Variants in PELI2 observed in about 807,000 individuals in gnomAD.
The protein encoded by PELI2 is pellino E3 ubiquitin protein ligase family member 2.
In PELI2, 23 loss-of-function variants were observed where a neutral mutation model predicts 42.3. That is an observed-to-expected ratio of 0.54 (90% CI 0.39 to 0.77). The LOEUF is 0.77. Ranked by LOEUF, PELI2 falls within the 30% of genes least tolerant of loss-of-function variation. The pLI is 0.00. For missense variants in PELI2, 463 were observed against 553.2 expected (o/e 0.84, Z 1.64); for synonymous variants, 245 against 212.2 (o/e 1.15, Z -1.34).
chr14:56,168,656 G>A (rs1885054459), intron 1 of PELI2, among the ~76,000 whole-genome samples: 1 of 151,840 alleles, frequency 6.6e-6, no homozygotes, highest in Non-Finnish European at 1.5e-5. Flanking sequence ...TCTGCTTGGT[G>A]CTCTACCCCC....
chr14:56,235,951 T>A (rs12892155), intron 2 of PELI2, among the ~76,000 whole-genome samples: 61,071 of 151,810 alleles, frequency 0.4, 12,963 homozygotes, highest in South Asian at 0.53. Flanking sequence ...AAATACAAGG[T>A]ATCAAACTCA....
chr14:56,288,325 T>C lies in PELI2; in HGVS notation c.310-112T>C. The C allele has an allele frequency of 1.3e-6, 1 of 773,980 alleles. No homozygotes were observed. The highest frequency in any genetic ancestry group is 2.2e-6 in the Non-Finnish European group (1 of 464,864). 47.9% of individuals were successfully genotyped at this position (773,980 alleles called of 1,614,324 possible). On this transcript the variant is annotated intron_variant, in intron 3 of 5. Coordinates refer to ENST00000267460, the MANE Select transcript of PELI2 (RefSeq NM_021255.3). This position sits in a 1 kb window ranked among gnomAD's most constrained non-coding sequence, Gnocchi z 4.6. ...AAAATCTTGCATTAAATTCTAACCC[T>C]CAGAACAAGGATAGTGAATGTTAAA...
Position 56,221,814 on chromosome 14 carries a change from C to T in PELI2, c.207+43350C>T, listed in dbSNP as rs149991004. Among the ~76,000 whole-genome samples the T allele has an allele frequency of 1.8e-4, 27 of 152,288 alleles. No homozygotes were observed. The East Asian group carries it at 1.9e-3, about 11-fold the overall frequency. The stretch of plus-strand genomic sequence containing the variant: ...TGCATGGTTATGGCCTCCCTTGAGA[C>T]GAATTGCTTGGTTCCTTTTGTGTGA... On this transcript the variant is annotated intron_variant, in intron 2 of 5. Coordinates refer to ENST00000267460, the MANE Select transcript of PELI2 (RefSeq NM_021255.3).
chr14:56,267,260 T>C (rs1277449134), intron 2 of PELI2, among the ~76,000 whole-genome samples: 3 of 152,168 alleles, frequency 2.0e-5, no homozygotes, highest in African/African-American at 7.2e-5. Context: ...ATAGTAATTA[T>C]GTGTTGTGTA....
chr14:56,192,560 C>G (rs1885986967), intron 2 of PELI2, among the ~76,000 whole-genome samples: 1 of 152,074 alleles, frequency 6.6e-6, no homozygotes, highest in Admixed American at 6.6e-5. Context: ...ACTGGATGTC[C>G]CCTGGAGGGC....
chr14:56,157,220 C>T (rs1423490442), intron 1 of PELI2, among the ~76,000 whole-genome samples: 1 of 152,162 alleles, frequency 6.6e-6, no homozygotes, highest in Non-Finnish European at 1.5e-5. Context: ...TACAGAGAGG[C>T]TCAGAGGTAC....
chr14:56,153,349 T>A (rs1310669217), intron 1 of PELI2, among the ~76,000 whole-genome samples: 1 of 152,208 alleles, frequency 6.6e-6, no homozygotes, highest in Non-Finnish European at 1.5e-5. Context: ...GTTCCTGCTC[T>A]TAATTGTCAT....
intron 1 of PELI2, among the ~76,000 whole-genome samples, chr14:56,164,077 A>G (rs1376307237): frequency 6.6e-6 from 1 of 152,140 alleles, no homozygotes; most frequent in Non-Finnish European, 1.5e-5. Flanking sequence ...TAGGACCTCC[A>G]GTACTATGTT....
intron 3 of PELI2, among the ~76,000 whole-genome samples, chr14:56,282,102 A>G (rs1284760703): frequency 6.6e-6 from 1 of 152,152 alleles, no homozygotes; most frequent in African/African-American, 2.4e-5. Context: ...CGCCATTTGT[A>G]CAGAGTTATT....
intron 2 of PELI2, among the ~76,000 whole-genome samples, chr14:56,179,145 A>G (rs1386526633): frequency 2.6e-5 from 4 of 152,188 alleles, no homozygotes; most frequent in East Asian, 3.8e-4. Context: ...TCCAATTGAT[A>G]TATGTTACAT....
At chr14:56,234,236 C>T (rs1007333131) in intron 2 of PELI2, among the ~76,000 whole-genome samples, 6 of 152,276 alleles carry the variant, frequency 3.9e-5, no homozygotes, top group East Asian at 1.9e-4. Context: ...TTTGACCCAG[C>T]CATCCCATTA....
intron 1 of PELI2, among the ~76,000 whole-genome samples, chr14:56,138,852 G>T (rs961239252): frequency 2.0e-5 from 3 of 152,198 alleles, no homozygotes; most frequent in African/African-American, 7.2e-5. Context: ...GCTCAGTTCA[G>T]GTTGAAACAA....
chr14:56,202,843 C>A (rs8016951), intron 2 of PELI2, among the ~76,000 whole-genome samples: 61,304 of 151,946 alleles, frequency 0.4, 13,078 homozygotes, highest in South Asian at 0.53. Flanking sequence ...AGCATTTTGC[C>A]AGATACCTGT....
At chr14:56,270,042 T>C (rs1050976418) in intron 2 of PELI2, among the ~76,000 whole-genome samples, 4 of 152,208 alleles carry the variant, frequency 2.6e-5, no homozygotes, top group African/African-American at 9.6e-5. Flanking sequence ...TGTCTGTGCT[T>C]GCTGATAGAT....
In PELI2 at chr14:56,252,053, A is replaced by G. The variant is rs557995759; in HGVS notation, c.208-27623A>G. ...TAATAATGTCTCAGACACCTAGGAT[A>G]CTTGGGAGAATAGGGTATTCTGCTT... is the stretch of plus-strand genomic sequence containing the variant. On this transcript the variant is annotated intron_variant, in intron 2 of 5. Transcript: ENST00000267460. 4.6e-5 allele frequency among the ~76,000 whole-genome samples: 7 copies of G among 152,348 alleles called. No individual in the cohort carries two copies. The East Asian group carries it at 9.6e-4, about 21-fold the overall frequency.
At chr14:56,177,765 A>G (rs1247871666) in intron 1 of PELI2, among the ~76,000 whole-genome samples, 2 of 152,346 alleles carry the variant, frequency 1.3e-5, no homozygotes, top group East Asian at 1.9e-4. Context: ...AATTTCTGCA[A>G]GCTGTCTTTT....
intron 3 of PELI2, among the ~76,000 whole-genome samples, chr14:56,282,584 A>G (rs1330925622): frequency 6.6e-6 from 1 of 151,980 alleles, no homozygotes; most frequent in Non-Finnish European, 1.5e-5. Flanking sequence ...TTAGATATTT[A>G]AAAACTAAAT....
chr14:56,212,535 G>A (rs1423553749), intron 2 of PELI2, among the ~76,000 whole-genome samples: 1 of 152,146 alleles, frequency 6.6e-6, no homozygotes, highest in Non-Finnish European at 1.5e-5. Context: ...CTCCTGCAGT[G>A]GAGTTGAAGA....
chr14:56,279,265 T>C (rs1218615045), intron 2 of PELI2, among the ~76,000 whole-genome samples: 2 of 152,196 alleles, frequency 1.3e-5, no homozygotes, highest in African/African-American at 4.8e-5. Context: ...ATAATCTCTA[T>C]CACCTAGGAA....
Sources: gnomAD v4.1 joint callset for allele counts (sites outside exome capture counted in the v4.1 genomes callset) on GRCh38, gnomAD v4.1.1 for gene constraint, Gnocchi (gnomAD v3.1) non-coding constraint, MANE v1.5 for transcripts, NCBI Gene and HGNC (gene_info 2026-07-23, HGNC 2026-07-21) for gene names.